Variants in TET2 observed in about 807,000 individuals in gnomAD.
TET2 encodes methylcytosine dioxygenase TET2.
Under a neutral mutation model 142.9 loss-of-function variants are expected in TET2, and 299 were observed. The observed-to-expected ratio is 2.09, with a 90% confidence interval of 1.90 to 2.30. The LOEUF is 2.30. Ranked by LOEUF, TET2 falls within the 30% of genes most tolerant of loss-of-function variation. The pLI, the probability that TET2 is intolerant of heterozygous loss-of-function variation, is 0.00. For synonymous variants in TET2, 819 were observed against 849.0 expected (o/e 0.96, Z 0.61); for missense variants, 2,418 against 2,378.0 (o/e 1.02, Z -0.35).
At chr4:105,248,538 T>G (rs138912662) in intron 6 of TET2, among the ~76,000 whole-genome samples, 165 of 151,938 alleles carry the variant, frequency 1.1e-3, no homozygotes, top group African/African-American at 3.7e-3. Context: ...ATGACTGTCA[T>G]GTGCTAATTC....
intron 6 of TET2, among the ~76,000 whole-genome samples, chr4:105,257,599 G>A (rs1366733435): frequency 6.6e-6 from 1 of 152,118 alleles, no homozygotes; most frequent in African/African-American, 2.4e-5. Flanking sequence ...TGCTTGTGCA[G>A]AGTCTCAAGG....
Position 105,278,625 on chromosome 4 carries a change from G to T in TET2, c.*2106G>T, listed in dbSNP as rs924042806. ...AATCCCTTCTATTTTACTTGTACAT[G>T]TGCTGATGTAACTAAAACTAATTTT... On this transcript the variant is annotated 3_prime_UTR_variant, in exon 11 of 11. Transcript: ENST00000380013. 4.7e-5 allele frequency: 11 copies of T among 232,048 alleles called. No homozygotes were observed. Among genetic ancestry groups the T allele is most frequent in the Non-Finnish European group, 8.5e-5 (10 of 117,494 alleles). The allele number at this position is 232,048 out of a possible 1,614,324, so 14.4% of individuals were successfully genotyped here.
chr4:105,275,513 C>T lies in TET2; in HGVS notation c.5003C>T (p.Ser1668Phe). The T allele has an allele frequency of 6.4e-7, 1 of 1,551,648 alleles. No individual in the cohort carries two copies. Among genetic ancestry groups the T allele is most frequent in the Non-Finnish European group, 8.7e-7 (1 of 1,146,962 alleles). The change falls in exon 11 of 11, where the codon TCT becomes TTT. Residue 1668 changes from serine to phenylalanine, a missense_variant. By Grantham distance (155) the Ser-to-Phe change is radical. Coordinates refer to ENST00000380013, the MANE Select transcript of TET2 (RefSeq NM_001127208.3). ...AGGTATCCAAGCCAAGACCCTCTGT[C>T]TAAGCTCAGTCTACCACCCATCCAT... is the stretch of plus-strand genomic sequence containing the variant. ...LYRYPSQDPL[S>F]KLSLPPIHTL...
intron 2 of TET2, among the ~76,000 whole-genome samples, chr4:105,219,077 TTTTG>T (rs1293145844): frequency 1.3e-5 from 2 of 152,052 alleles, no homozygotes; most frequent in Non-Finnish European, 2.9e-5. Flanking sequence ...AGACTGGTTA[TTTTG>T]TTTATGTTAT....
chr4:105,228,236 T>A (rs1728300524), intron 2 of TET2, among the ~76,000 whole-genome samples: 1 of 152,090 alleles, frequency 6.6e-6, no homozygotes, highest in Non-Finnish European at 1.5e-5. Flanking sequence ...TAGTTTAAAT[T>A]TCCTGAAATA....
chr4:105,274,963 A>G (rs2110310604), intron 10 of TET2, 85 bp from the exon 11 acceptor site: 5 of 1,440,422 alleles, frequency 3.5e-6, no homozygotes, highest in Non-Finnish European at 4.6e-6. Flanking sequence ...TTTCTTACCT[A>G]CATTTAAGTA....
At chr4:105,232,747 G>A (rs1436442992) in intron 2 of TET2, among the ~76,000 whole-genome samples, 14 of 152,176 alleles carry the variant, frequency 9.2e-5, no homozygotes, top group South Asian at 2.1e-4. Flanking sequence ...GCCTGTATGC[G>A]GGGGGAAGAA....
At chr4:105,167,394 A>G (rs1264143325) in intron 1 of TET2, among the ~76,000 whole-genome samples, 2 of 152,016 alleles carry the variant, frequency 1.3e-5, no homozygotes, top group Admixed American at 6.6e-5. Context: ...ATGCGTGTAT[A>G]TGTGTACACA....
chr4:105,206,786 C>T (rs1478015229), intron 2 of TET2, among the ~76,000 whole-genome samples: 4 of 152,156 alleles, frequency 2.6e-5, no homozygotes, highest in African/African-American at 9.7e-5. Context: ...GATATCTGCT[C>T]ATATGCTCCT....
chr4:105,275,277 T>TA lies in TET2; in HGVS notation c.4767_4768insA (p.Gly1590ArgfsTer24). The TA allele has an allele frequency of 6.4e-7, 1 of 1,552,292 alleles. No homozygotes were observed. The highest frequency in any genetic ancestry group is 8.7e-7 in the Non-Finnish European group (1 of 1,147,110). ...ACTCTTCACACACTTCAGATATCTA[T>TA]GGAAGCACCAGCCCTATGAACTTCT... is the stretch of plus-strand genomic sequence containing the variant. On this transcript the variant is annotated frameshift_variant, in exon 11 of 11. Coordinates refer to ENST00000380013, the MANE Select transcript of TET2 (RefSeq NM_001127208.3). LOFTEE classifies it low-confidence loss of function (END_TRUNC).
intron 2 of TET2, among the ~76,000 whole-genome samples, chr4:105,215,058 T>G (rs143822516): frequency 1.3e-5 from 2 of 151,992 alleles, no homozygotes; most frequent in Non-Finnish European, 2.9e-5. Context: ...GGGAATTAAA[T>G]TGGAGGACAC....
intron 1 of TET2, among the ~76,000 whole-genome samples, chr4:105,158,308 ATATT>A (rs1302648224): frequency 2.0e-5 from 3 of 152,092 alleles, no homozygotes; most frequent in Admixed American, 6.5e-5. Flanking sequence ...TTGGGAAACT[ATATT>A]TAGGGGTTAA....
chr4:105,185,445 C>A (rs1206222895), intron 1 of TET2, among the ~76,000 whole-genome samples: 1 of 152,028 alleles, frequency 6.6e-6, no homozygotes, highest in Non-Finnish European at 1.5e-5. Context: ...TTTTCTAAAT[C>A]TATTTGGAAA....
chr4:105,249,162 G>T (rs1420975116), intron 6 of TET2, among the ~76,000 whole-genome samples: 3 of 151,854 alleles, frequency 2.0e-5, no homozygotes, highest in African/African-American at 7.3e-5. Context: ...AAGTAGTTGG[G>T]ATTACAGTTG....
chr4:105,152,738 G>A (rs1723371398), intron 1 of TET2, among the ~76,000 whole-genome samples: 1 of 151,562 alleles, frequency 6.6e-6, no homozygotes, highest in African/African-American at 2.4e-5. Flanking sequence ...CTGGGACTAG[G>A]AGCGTGCCCC....
chr4:105,261,290 T>C (rs1411047622), intron 7 of TET2, among the ~76,000 whole-genome samples: 3 of 152,128 alleles, frequency 2.0e-5, no homozygotes, highest in African/African-American at 7.2e-5. Flanking sequence ...ATTTTATCCA[T>C]ATTTGAAGTG....
Position 105,275,809 on chromosome 4 carries a change from A to T in TET2, c.5299A>T (p.Ser1767Cys). ...HSPSHIIHNY[S>C]AAPGMFNSSL... ...ACCTTCTCACATAATCCATAACTAC[A>T]GTGCAGCTCCGGGCATGTTCAACAG... Residue 1767 changes from serine (S) to cysteine (C), a missense_variant, in exon 11 of 11, where the codon AGT (serine) becomes TGT (cysteine). Coordinates refer to ENST00000380013, the MANE Select transcript of TET2 (RefSeq NM_001127208.3). 1.3e-6 allele frequency: 2 copies of T among 1,551,734 alleles called. No homozygotes were observed. Among genetic ancestry groups the T allele is most frequent in the Non-Finnish European group, 1.7e-6 (2 of 1,146,998 alleles).
At chr4:105,213,018 A>C (rs568093356) in intron 2 of TET2, among the ~76,000 whole-genome samples, 1 of 151,820 alleles carries the variant, frequency 6.6e-6, no homozygotes, top group South Asian at 2.1e-4. Flanking sequence ...AATTTTCCCC[A>C]TTCCCCCACC....
chr4:105,146,780 C>T (rs1018190143), upstream of TET2: 1 of 152,060 alleles, frequency 6.6e-6, no homozygotes, highest in Non-Finnish European at 1.5e-5. Flanking sequence ...CGTCCGCCCC[C>T]TCGGCGCGGC....
Sources: allele counts gnomAD v4.1 joint callset (sites outside exome capture counted in the v4.1 genomes callset), GRCh38; gene constraint gnomAD v4.1.1; transcripts MANE v1.5; gene names NCBI Gene and HGNC (gene_info 2026-07-23, HGNC 2026-07-21).